The following ANKHD1 variants were observed in gnomAD, a reference collection of about 807,000 sequenced individuals.
The protein encoded by ANKHD1 is ankyrin repeat and KH domain-containing protein 1.
ANKHD1 carries 31 observed loss-of-function variants against 230.5 expected under a neutral mutation model. That is an observed-to-expected ratio of 0.13 (90% confidence interval 0.10 to 0.18). The LOEUF is 0.18. Among genes scored for constraint, ANKHD1 ranks in the 10% least tolerant of loss-of-function variants. ANKHD1 has a pLI of 1.00. For missense variants in ANKHD1, 2,256 were observed against 3,071.3 expected (o/e 0.73, Z 6.27); for synonymous variants, 1,074 against 1,117.6 (o/e 0.96, Z 0.78).
intron 29 of ANKHD1, among the ~76,000 whole-genome samples, chr5:140,533,105 A>C (rs1304028923): frequency 1.3e-5 from 2 of 152,036 alleles, no homozygotes; most frequent in African/African-American, 4.8e-5. Flanking sequence ...TCCAAAAAAA[A>C]AAAAAGCTAT....
chr5:140,537,685 A>C, intron 31 of ANKHD1, 96 bp downstream of exon 31: 14 of 1,442,134 alleles, frequency 9.7e-6, no homozygotes, highest in Non-Finnish European at 1.3e-5. Flanking sequence ...AACAAAAAAA[A>C]CTTAGTTCCT....
chr5:140,495,613 T>A (rs1751998836), intron 14 of ANKHD1, among the ~76,000 whole-genome samples: 1 of 152,204 alleles, frequency 6.6e-6, no homozygotes, highest in Non-Finnish European at 1.5e-5. Flanking sequence ...TCAAAAAATT[T>A]ATGTCCTTCA....
In ANKHD1 at chr5:140,538,233, T is replaced by C. The variant is rs540122746; in HGVS notation, c.7376T>C (p.Met2459Thr). 1 of 1,613,182 alleles carries C rather than the reference T, an allele frequency of 6.2e-7. No homozygotes were observed. The highest frequency in any genetic ancestry group is 1.1e-5 in the South Asian group (1 of 90,746). ...CCCTCTAACATTTTTCATCAGCCTA[T>C]GGCAAGTGGTTTTGTGGATTTTTCT... ...VAPSNIFHQPMASGFVDFSKG... is the reference protein window; with the variant it reads ...VAPSNIFHQPTASGFVDFSKG... Residue 2459 changes from methionine (M) to threonine (T), a missense_variant, in exon 32 of 34, where the codon ATG becomes ACG. Around this residue, in one of 13 missense-constraint regions of ANKHD1, gnomAD observed 778 missense variants for 966.5 expected, o/e 0.80. Transcript: ENST00000360839.
chr5:140,482,646 G>A lies in ANKHD1; in HGVS notation c.1849G>A (p.Val617Met). The change falls in exon 11 of 34, where the codon GTG (valine) becomes ATG (methionine). Residue 617 changes from valine (V) to methionine (M), a missense_variant. By Grantham distance (21) the Val-to-Met change is conservative. Around this residue, in one of 13 missense-constraint regions of ANKHD1, gnomAD observed 179 missense variants for 261.8 expected, o/e 0.68. Coordinates refer to ENST00000360839, the MANE Select transcript of ANKHD1 (RefSeq NM_017747.3). ...TGCAAGAGCTGGTCATTTGTGCACTGTGCAGTTTCTTATTAGCAAAGGTAA... is the reference window on the plus strand; with the variant it reads ...TGCAAGAGCTGGTCATTTGTGCACTATGCAGTTTCTTATTAGCAAAGGTAA... Reference protein sequence around the residue: ...KAARAGHLCTVQFLISKGANV... With the variant: ...KAARAGHLCTMQFLISKGANV... The A allele has an allele frequency of 6.2e-7, 1 of 1,612,590 alleles. No individual in the cohort carries two copies.
At chr5:140,431,894 A>G (rs1232356876) in intron 1 of ANKHD1, among the ~76,000 whole-genome samples, 4 of 152,286 alleles carry the variant, frequency 2.6e-5, no homozygotes, top group African/African-American at 7.2e-5. Flanking sequence ...TGAATGTGCC[A>G]TCTTATTTAC....
At chr5:140,453,829 C>T (rs185265988) in intron 7 of ANKHD1, among the ~76,000 whole-genome samples, 9 of 152,328 alleles carry the variant, frequency 5.9e-5, no homozygotes, top group East Asian at 1.9e-4. Flanking sequence ...AACCAGCTAA[C>T]GTCAAAATGA....
At chr5:140,429,985 C>G (rs1772906458) in intron 1 of ANKHD1, among the ~76,000 whole-genome samples, 1 of 152,170 alleles carries the variant, frequency 6.6e-6, no homozygotes, top group Non-Finnish European at 1.5e-5. Flanking sequence ...GTAACTGTTG[C>G]ATCCAGTGGT....
At chr5:140,482,694 C>T (rs935900073) in intron 11 of ANKHD1, 27 bp downstream of exon 11, 5 of 1,605,142 alleles carry the variant, frequency 3.1e-6, no homozygotes, top group Admixed American at 1.7e-5. Flanking sequence ...TGATCATTTC[C>T]AAGAGGCTAC....
rs1273772811 is a variant in ANKHD1, at chr5:140,528,322, C to T, written c.5376C>T (p.Phe1792=). 6.2e-7 allele frequency: 1 copy of T among 1,614,110 alleles called. No homozygotes were observed. Among genetic ancestry groups the T allele is most frequent in the South Asian group, 1.1e-5 (1 of 91,082 alleles). ...GCACCAAATCAATTCATGCTAACTT[C>T]TCATCTGGAGTAGGTACCACAGCAG... ...PASTKSIHAN[F]SSGVGTTAAS... The change falls in exon 29 of 34, where the codon TTC becomes TTT. Residue 1792 remains phenylalanine, a synonymous_variant. Coordinates refer to ENST00000360839, the MANE Select transcript of ANKHD1 (RefSeq NM_017747.3).
intron 14 of ANKHD1, among the ~76,000 whole-genome samples, chr5:140,492,136 G>C (rs1435805420): frequency 6.6e-6 from 1 of 151,990 alleles, no homozygotes; most frequent in Non-Finnish European, 1.5e-5. Context: ...AAATTATATA[G>C]AAAAATTGTA....
At chr5:140,433,202 G>A (rs557377671) in intron 1 of ANKHD1, among the ~76,000 whole-genome samples, 15 of 152,242 alleles carry the variant, frequency 9.9e-5, no homozygotes, top group African/African-American at 3.6e-4. Flanking sequence ...CCAAATAGCT[G>A]ATTACAATCA....
intron 1 of ANKHD1, among the ~76,000 whole-genome samples, chr5:140,428,950 T>C (rs577558764): frequency 1.3e-5 from 2 of 151,032 alleles, no homozygotes; most frequent in Admixed American, 6.6e-5. Flanking sequence ...GTCTGGCAAA[T>C]TTTTTTTGTA....
At chr5:140,467,580 G>A in intron 10 of ANKHD1, among the ~76,000 whole-genome samples, 1 of 152,134 alleles carries the variant, frequency 6.6e-6, no homozygotes, top group Non-Finnish European at 1.5e-5. Context: ...AACATAGTGA[G>A]ACCCTTCTCT....
chr5:140,415,807 C>CTT (rs750800973), intron 1 of ANKHD1, among the ~76,000 whole-genome samples: 1 of 151,550 alleles, frequency 6.6e-6, no homozygotes, highest in Non-Finnish European at 1.5e-5. Flanking sequence ...TTTTATTATA[C>CTT]TTTAAGTTCT....
At chr5:140,488,080 T>G (rs922541446) in intron 14 of ANKHD1, among the ~76,000 whole-genome samples, 3 of 152,238 alleles carry the variant, frequency 2.0e-5, no homozygotes, top group African/African-American at 7.2e-5. Context: ...AACACCTAGC[T>G]ATTCAAAATT....
At chr5:140,512,755 C>T (rs1031993863) in intron 22 of ANKHD1, 73 bp from the exon 23 acceptor site, 25 of 1,373,898 alleles carry the variant, frequency 1.8e-5, no homozygotes, top group Non-Finnish European at 2.3e-5. Context: ...TGTTGTTTTA[C>T]TTTCTTTTAT....
At chr5:140,490,769 C>T (rs184580329) in intron 14 of ANKHD1, among the ~76,000 whole-genome samples, 3 of 152,132 alleles carry the variant, frequency 2.0e-5, no homozygotes, top group South Asian at 4.2e-4. Flanking sequence ...TTTGTGTATA[C>T]CTCAAGCCCT....
chr5:140,491,683 A>G (rs557569678), intron 14 of ANKHD1, among the ~76,000 whole-genome samples: 14 of 152,072 alleles, frequency 9.2e-5, no homozygotes, highest in African/African-American at 3.4e-4. Context: ...TCTCACCCCC[A>G]CTAACAATGC....
intron 6 of ANKHD1, 136 bp downstream of exon 6, chr5:140,446,111 T>C: frequency 2.3e-6 from 2 of 877,404 alleles, no homozygotes; most frequent in East Asian, 3.1e-5. Flanking sequence ...TAAGAAATTA[T>C]ATAGAAAGTC....
Sources: gnomAD v4.1 joint callset for allele counts (sites outside exome capture counted in the v4.1 genomes callset) on GRCh38, gnomAD v4.1.1 for gene constraint, gnomAD v4.1.1 regional missense constraint, MANE v1.5 for transcripts, NCBI Gene and HGNC (gene_info 2026-07-23, HGNC 2026-07-21) for gene names.